CMC2: variants seen among roughly 807,000 people sequenced by gnomAD.
The protein encoded by CMC2 is C-X9-C motif containing 2.
CMC2 carries 5 observed loss-of-function variants against 7.5 expected under a neutral mutation model. The ratio of observed to expected loss-of-function variants is 0.66; its 90% CI spans 0.35 to 1.40. CMC2 has a LOEUF of 1.40. Among genes scored for constraint, CMC2 ranks in the 40% most tolerant of loss-of-function variants. The probability of loss-of-function intolerance (pLI) is 0.04; values close to 1 mark genes in which losing one functional copy is unlikely to be tolerated. For synonymous variants in CMC2, 37 were observed against 31.4 expected (o/e 1.18, Z -0.60); for missense variants, 115 against 92.3 (o/e 1.25, Z -1.01).
chr16:80,992,556 G>A (rs558290199), intron 2 of CMC2, among the ~76,000 whole-genome samples: 1 of 152,034 alleles, frequency 6.6e-6, no homozygotes, highest in Non-Finnish European at 1.5e-5. Flanking sequence ...ATAAGTAATG[G>A]TATGTTCAGT....
chr16:81,001,444 T>C (rs1054890414), intron 1 of CMC2: 3 of 152,170 alleles, frequency 2.0e-5, no homozygotes, highest in African/African-American at 7.2e-5. Context: ...AGTGGAATGG[T>C]GGTTACCAGA....
Position 80,976,130 on chromosome 16 carries a change from T to C in CMC2, c.203A>G (p.Lys68Arg). 1 of 1,610,734 alleles carries C rather than the reference T, an allele frequency of 6.2e-7. No individual in the cohort carries two copies. Among genetic ancestry groups the C allele is most frequent in the East Asian group, 2.2e-5 (1 of 44,850 alleles). Residue 68 changes from lysine (K) to arginine (R), a missense_variant, in exon 4 of 4, where the codon AAG becomes AGG. By Grantham distance (26) the Lys-to-Arg change is conservative (BLOSUM62 2). Coordinates refer to ENST00000219400, the MANE Select transcript of CMC2 (RefSeq NM_020188.5). ...KSREHGIAMRKKLFNPPEESE... is the reference protein window; with the variant it reads ...KSREHGIAMRRKLFNPPEESE... ...TTCCTCTGGAGGATTAAAAAGTTTC[T>C]TTCGCATTGCAATGCCATGCTCCCT...
intron 2 of CMC2, among the ~76,000 whole-genome samples, chr16:80,994,331 A>C (rs1968238235): frequency 6.6e-6 from 1 of 152,122 alleles, no homozygotes; most frequent in South Asian, 2.1e-4. Context: ...ACCACAGAAT[A>C]CACAAAGATC....
intron 2 of CMC2, chr16:80,988,457 T>C (rs1324049689): frequency 4.5e-6 from 3 of 660,020 alleles, no homozygotes; most frequent in Non-Finnish European, 8.2e-6. Context: ...AATTTCAAAC[T>C]TGAAGAAAAG....
intron 2 of CMC2, chr16:80,982,517 A>T (rs76314003): frequency 6.7e-6 from 1 of 148,600 alleles, no homozygotes; most frequent in East Asian, 2.0e-4. Context: ...GTCTCAGGAA[A>T]AAAAAAAAAA....
chr16:80,976,114 A>G lies in CMC2; in HGVS notation c.219T>C (p.Pro73=). 6.2e-7 allele frequency: 1 copy of G among 1,604,922 alleles called. No homozygotes were observed. The highest frequency in any genetic ancestry group is 8.5e-7 in the Non-Finnish European group (1 of 1,171,996). The part of the protein sequence containing the change: ...GIAMRKKLFN[P]PEESEK ...CAATTTATTTTTCGGATTCCTCTGG[A>G]GGATTAAAAAGTTTCTTTCGCATTG... The change falls in exon 4 of 4, where the codon CCT becomes CCC. Residue 73 remains proline (P), a synonymous_variant. Coordinates refer to ENST00000219400, the MANE Select transcript of CMC2 (RefSeq NM_020188.5).
intron 2 of CMC2, among the ~76,000 whole-genome samples, chr16:80,991,594 T>C (rs1228866353): frequency 6.6e-6 from 1 of 150,954 alleles, no homozygotes; most frequent in African/African-American, 2.4e-5. Context: ...TAAGCCAAAA[T>C]GACACTACTG....
chr16:80,989,475 G>C (rs1967803667), intron 2 of CMC2, among the ~76,000 whole-genome samples: 1 of 152,112 alleles, frequency 6.6e-6, no homozygotes, highest in Non-Finnish European at 1.5e-5. Context: ...CCTTTTAACA[G>C]TCCCTATCAT....
chr16:81,006,580 C>G (rs1411308358), intron 1 of CMC2, 154 bp downstream of exon 1: 8 of 440,202 alleles, frequency 1.8e-5, no homozygotes, highest in Non-Finnish European at 2.4e-5. Flanking sequence ...CCCAGCGCAG[C>G]AGCCCGGCTG....
rs1597297030 is a variant in CMC2, at chr16:81,006,818, C to G, written c.-120G>C. On this transcript the variant is annotated 5_prime_UTR_variant, in exon 1 of 4. Transcript: ENST00000219400. The stretch of plus-strand genomic sequence containing the variant: ...CGAAGGCCGGCTGCTAGGGAGCAGA[C>G]AGCTGAACCGCTTGCCAGACGCCGA... 4.1e-6 allele frequency: 4 copies of G among 985,618 alleles called. No individual in the cohort carries two copies. In the East Asian group the frequency reaches 3.4e-4, roughly 84 times the overall value. The allele number at this position is 985,618 out of a possible 1,614,324, so 61.1% of individuals were successfully genotyped here.
At chr16:80,996,639 T>A (rs1383261697) in intron 2 of CMC2, among the ~76,000 whole-genome samples, 1 of 152,214 alleles carries the variant, frequency 6.6e-6, no homozygotes, top group Non-Finnish European at 1.5e-5. Context: ...ATTTGATATA[T>A]CTACAGTTTG....
intron 1 of CMC2, among the ~76,000 whole-genome samples, chr16:81,002,684 T>A (rs946421115): frequency 3.3e-5 from 5 of 152,128 alleles, no homozygotes; most frequent in African/African-American, 1.2e-4. Flanking sequence ...ATGGTACATA[T>A]TTTCCTCCCT....
In CMC2 at chr16:81,006,759, C is replaced by T; in HGVS notation, c.-61G>A. On this transcript the variant is annotated 5_prime_UTR_variant, in exon 1 of 4. Coordinates refer to ENST00000219400, the MANE Select transcript of CMC2 (RefSeq NM_020188.5). ...CCGACTCGTGGCCACACCGGGAGAACTGAAGCGGCAGTAGCCGGCGGAGAC... is the reference window on the plus strand; with the variant it reads ...CCGACTCGTGGCCACACCGGGAGAATTGAAGCGGCAGTAGCCGGCGGAGAC... 1.0e-6 allele frequency: 1 copy of T among 985,732 alleles called. No individual in the cohort carries two copies. Among genetic ancestry groups the T allele is most frequent in the Middle Eastern group, 5.2e-4 (1 of 1,918 alleles). The allele number at this position is 985,732 out of a possible 1,614,324, so 61.1% of individuals were successfully genotyped here.
At chr16:80,979,211 T>G (rs748099641) in intron 3 of CMC2, among the ~76,000 whole-genome samples, 3 of 151,914 alleles carry the variant, frequency 2.0e-5, no homozygotes, top group Non-Finnish European at 2.9e-5. Flanking sequence ...GACTCAGAGA[T>G]TAGTGATGGG....
intron 1 of CMC2, among the ~76,000 whole-genome samples, chr16:81,004,798 T>G (rs1969128944): frequency 6.6e-6 from 1 of 152,212 alleles, no homozygotes; most frequent in Non-Finnish European, 1.5e-5. Context: ...TCAAGAGTAG[T>G]CTAAGACAGA....
chr16:80,979,275 G>A (rs983223950), intron 3 of CMC2, among the ~76,000 whole-genome samples: 9 of 152,012 alleles, frequency 5.9e-5, no homozygotes, highest in Non-Finnish European at 1.3e-4. Context: ...ACAAATTAGA[G>A]AATAAAGTAA....
At chr16:80,994,974 C>A (rs1030696762) in intron 2 of CMC2, among the ~76,000 whole-genome samples, 1 of 151,872 alleles carries the variant, frequency 6.6e-6, no homozygotes, top group African/African-American at 2.4e-5. Flanking sequence ...AATGAAACCC[C>A]GTCTCTACTA....
intron 2 of CMC2, among the ~76,000 whole-genome samples, chr16:80,986,983 G>A (rs775664292): frequency 1.3e-5 from 2 of 152,192 alleles, no homozygotes; most frequent in Non-Finnish European, 2.9e-5. Context: ...AGGAAAACCA[G>A]GGAAGAGAAA....
intron 3 of CMC2, chr16:80,978,295 A>G (rs765229831): frequency 2.0e-5 from 25 of 1,220,886 alleles, no homozygotes; most frequent in Non-Finnish European, 6.2e-6. Flanking sequence ...AAGGGTCTTA[A>G]GGGAAACTCT....
Sources: gnomAD v4.1 joint callset for allele counts (sites outside exome capture counted in the v4.1 genomes callset) on GRCh38, gnomAD v4.1.1 for gene constraint, MANE v1.5 for transcripts, NCBI Gene and HGNC (gene_info 2026-07-23, HGNC 2026-07-21) for gene names.